Variants in L3MBTL3 observed in about 807,000 individuals in gnomAD.
L3MBTL3 encodes the protein L3MBTL histone methyl-lysine binding protein 3, also known as lethal(3)malignant brain tumor-like protein 3.
In L3MBTL3, 27 loss-of-function variants were observed where a neutral mutation model predicts 102.3. The ratio of observed to expected loss-of-function variants is 0.26; its 90% CI spans 0.19 to 0.36. L3MBTL3 has a LOEUF of 0.36. L3MBTL3 is among the 10% of genes least tolerant of loss of function. L3MBTL3 has a pLI of 1.00. For synonymous variants in L3MBTL3, 340 were observed against 320.9 expected, an observed-to-expected ratio of 1.06 and a Z score of -0.64; for missense variants, 798 against 955.3, an observed-to-expected ratio of 0.84 and a Z score of 2.17.
At chr6:130,108,231 G>GGT (rs1219108880) in intron 19 of L3MBTL3, among the ~76,000 whole-genome samples, 1 of 91,052 alleles carries the variant, frequency 1.1e-5, no homozygotes, top group Non-Finnish European at 2.1e-5. Context: ...TTTTTTTTTT[G>GGT]TTTTTTTTTT....
intron 19 of L3MBTL3, 111 bp from the exon 20 acceptor site, chr6:130,120,768 T>C (rs1786105022): frequency 6.3e-6 from 5 of 793,176 alleles, no homozygotes; most frequent in Non-Finnish European, 1.1e-5. Context: ...TCTAACACTT[T>C]AGTAGCATCC....
chr6:130,094,120 T>A (rs935163053), intron 17 of L3MBTL3, 145 bp from the exon 18 acceptor site: 2 of 503,864 alleles, frequency 4.0e-6, no homozygotes, highest in Non-Finnish European at 7.0e-6. Context: ...TTTTATAGGA[T>A]CTACTTTTTC....
At position 130,078,645 on chromosome 6, in the gene L3MBTL3, T is replaced by A; in HGVS notation, c.1321+11T>A. The A allele has an allele frequency of 6.4e-7, 1 of 1,550,526 alleles. No individual in the cohort carries two copies. The highest frequency in any genetic ancestry group is 8.9e-7 in the Non-Finnish European group (1 of 1,123,216). ...TTATTACTCCACCAGGTGTGTGTTT[T>A]TTTAATGTGGCTAATACTATTCGTA... On this transcript the variant is annotated intron_variant, in intron 14 of 22. Transcript: ENST00000361794.
At chr6:130,052,040 T>A (rs1781129481) in intron 6 of L3MBTL3, among the ~76,000 whole-genome samples, 1 of 152,200 alleles carries the variant, frequency 6.6e-6, no homozygotes, top group Admixed American at 6.5e-5. Flanking sequence ...AAGAAATGAC[T>A]GGACATTTAT....
intron 16 of L3MBTL3, among the ~76,000 whole-genome samples, chr6:130,089,305 G>C (rs1783889526): frequency 6.7e-6 from 1 of 148,854 alleles, no homozygotes; most frequent in African/African-American, 2.5e-5. Flanking sequence ...CTATGAGTTA[G>C]AACATGCAGT....
chr6:130,092,327 T>G (rs1784105564), intron 16 of L3MBTL3, among the ~76,000 whole-genome samples: 1 of 152,066 alleles, frequency 6.6e-6, no homozygotes, highest in African/African-American at 2.4e-5. Flanking sequence ...AGGTCCTCCT[T>G]TCCTCTCCTT....
chr6:130,134,848 T>A (rs1787451854), intron 22 of L3MBTL3, among the ~76,000 whole-genome samples: 1 of 152,192 alleles, frequency 6.6e-6, no homozygotes, highest in African/African-American at 2.4e-5. Context: ...AGCCACCAGT[T>A]GTCAGTGTTG....
chr6:130,136,880 A>T (rs1787741435), intron 22 of L3MBTL3, among the ~76,000 whole-genome samples: 1 of 152,060 alleles, frequency 6.6e-6, no homozygotes. Flanking sequence ...AGCCTCCCAA[A>T]GTGCTGCAAT....
intron 2 of L3MBTL3, among the ~76,000 whole-genome samples, chr6:130,035,760 A>G (rs989679577): frequency 7.9e-5 from 12 of 152,184 alleles, no homozygotes; most frequent in Non-Finnish European, 1.6e-4. Flanking sequence ...CTTACCTCTT[A>G]TGACATTAGT....
At chr6:130,114,088 G>C (rs1313460704) in intron 19 of L3MBTL3, among the ~76,000 whole-genome samples, 1 of 152,126 alleles carries the variant, frequency 6.6e-6, no homozygotes, top group Non-Finnish European at 1.5e-5. Flanking sequence ...TTGTTGATGG[G>C]CTTCCAGGTA....
chr6:130,136,111 C>T (rs886445797), intron 22 of L3MBTL3, among the ~76,000 whole-genome samples: 6 of 152,152 alleles, frequency 3.9e-5, no homozygotes, highest in East Asian at 1.9e-4. Flanking sequence ...CCCTGGTCTG[C>T]GCCACCATCC....
intron 18 of L3MBTL3, among the ~76,000 whole-genome samples, chr6:130,097,725 G>A (rs536996954): frequency 1.1e-4 from 16 of 152,206 alleles, no homozygotes; most frequent in East Asian, 1.9e-4. Context: ...TTGGCCTACC[G>A]AGAGAGGGTA....
At chr6:130,115,977 A>C (rs1785647077) in intron 19 of L3MBTL3, among the ~76,000 whole-genome samples, 1 of 152,174 alleles carries the variant, frequency 6.6e-6, no homozygotes, top group South Asian at 2.1e-4. Flanking sequence ...AGTTGCTATC[A>C]TCACACCTTC....
intron 18 of L3MBTL3, among the ~76,000 whole-genome samples, chr6:130,100,805 T>C (rs1442000538): frequency 6.6e-6 from 1 of 152,182 alleles, no homozygotes; most frequent in Non-Finnish European, 1.5e-5. Context: ...GCTTAGAATA[T>C]AAATTGTCTA....
intron 2 of L3MBTL3, among the ~76,000 whole-genome samples, chr6:130,039,065 T>G (rs757165801): frequency 1.1e-4 from 16 of 152,252 alleles, no homozygotes; most frequent in Non-Finnish European, 2.4e-4. Flanking sequence ...AGACTGCACT[T>G]TTAAAAATCT....
At chr6:130,064,876 C>T (rs184858106) in intron 10 of L3MBTL3, among the ~76,000 whole-genome samples, 8 of 152,284 alleles carry the variant, frequency 5.3e-5, no homozygotes, top group South Asian at 2.1e-4. Context: ...AAGCTCAGAA[C>T]GGTGTGCCCA....
intron 2 of L3MBTL3, among the ~76,000 whole-genome samples, chr6:130,032,803 C>T (rs1028692513): frequency 2.0e-5 from 3 of 152,152 alleles, no homozygotes; most frequent in African/African-American, 7.2e-5. Flanking sequence ...CCACCCTGGG[C>T]AACATAGTGA....
chr6:130,085,415 C>T (rs1783622154), intron 15 of L3MBTL3, among the ~76,000 whole-genome samples: 1 of 152,162 alleles, frequency 6.6e-6, no homozygotes, highest in African/African-American at 2.4e-5. Flanking sequence ...ATCTCAGCCA[C>T]TTTAATATTG....
intron 20 of L3MBTL3, among the ~76,000 whole-genome samples, chr6:130,126,040 A>C (rs1786579091): frequency 7.0e-6 from 1 of 143,206 alleles, no homozygotes; most frequent in Non-Finnish European, 1.5e-5. Context: ...ACTGAATTTG[A>C]TCTTTGGGGA....
Sources: gnomAD v4.1 joint callset for allele counts (sites outside exome capture counted in the v4.1 genomes callset) on GRCh38, gnomAD v4.1.1 for gene constraint, MANE v1.5 for transcripts, NCBI Gene and HGNC (gene_info 2026-07-23, HGNC 2026-07-21) for gene names.